TGM6: variants seen among roughly 807,000 people sequenced by gnomAD.
TGM6 encodes protein-glutamine gamma-glutamyltransferase 6.
TGM6 carries 74 observed loss-of-function variants against 77.5 expected under a neutral mutation model. That is an observed-to-expected ratio of 0.96 (90% CI 0.79 to 1.16). The LOEUF (loss-of-function observed/expected upper bound fraction) is 1.16. Among genes scored for constraint, TGM6 ranks in the 50% most tolerant of loss-of-function variants. The pLI, the probability that TGM6 is intolerant of heterozygous loss-of-function variation, is 0.00. For synonymous variants in TGM6, 383 were observed against 378.9 expected (o/e 1.01, Z -0.12); for missense variants, 968 against 940.2 (o/e 1.03, Z -0.39).
intron 9 of TGM6, among the ~76,000 whole-genome samples, chr20:2,405,512 A>G (rs966687103): frequency 1.3e-5 from 2 of 152,194 alleles, no homozygotes; most frequent in Non-Finnish European, 2.9e-5. Context: ...AGAGGACAGA[A>G]GAGAGCAGAT....
chr20:2,424,565 A>T (rs913131204), intron 10 of TGM6, among the ~76,000 whole-genome samples: 3 of 152,210 alleles, frequency 2.0e-5, no homozygotes, highest in African/African-American at 4.8e-5. Flanking sequence ...GTGTGATCTT[A>T]TATGGAGATC....
At chr20:2,425,893 A>G (rs2084884737) in intron 10 of TGM6, among the ~76,000 whole-genome samples, 1 of 152,208 alleles carries the variant, frequency 6.6e-6, no homozygotes, top group Non-Finnish European at 1.5e-5. Flanking sequence ...CTATTTAGAA[A>G]GGTACCATAA....
At chr20:2,422,040 G>A (rs1005026980) in intron 10 of TGM6, among the ~76,000 whole-genome samples, 5 of 152,158 alleles carry the variant, frequency 3.3e-5, no homozygotes, top group Admixed American at 2.6e-4. Context: ...GCTGAGGCAG[G>A]AGAATCGCTT....
At chr20:2,406,662 C>T (rs1356641383) in intron 9 of TGM6, among the ~76,000 whole-genome samples, 2 of 150,736 alleles carry the variant, frequency 1.3e-5, no homozygotes, top group East Asian at 3.9e-4. Context: ...ATGGCGAAAA[C>T]CCGTCTCTAC....
At chr20:2,392,794 T>C (rs1246700049) in intron 1 of TGM6, among the ~76,000 whole-genome samples, 1 of 152,132 alleles carries the variant, frequency 6.6e-6, no homozygotes, top group Middle Eastern at 3.2e-3. Flanking sequence ...ACCCAGCTAC[T>C]TGGGAGGCTG....
At chr20:2,417,110 A>G (rs1011730147) in intron 9 of TGM6, 122 bp from the exon 10 acceptor site, 6 of 851,928 alleles carry the variant, frequency 7.0e-6, no homozygotes, top group Middle Eastern at 2.3e-4. Context: ...AGAGAATCAA[A>G]CACAAGGCAT....
chr20:2,391,964 G>A (rs192140539), intron 1 of TGM6, among the ~76,000 whole-genome samples: 60 of 152,318 alleles, frequency 3.9e-4, no homozygotes, highest in African/African-American at 1.4e-3. Context: ...TAGAATTCAA[G>A]GCTGCACACA....
rs560050735 is a variant in TGM6 at position 2,396,359 on chromosome 20, C to T, written c.425-147C>T. On this transcript the variant is annotated intron_variant, in intron 3 of 12. Transcript: ENST00000202625. The stretch of plus-strand genomic sequence containing the variant: ...GGGATGGAGTTTGGCAGGGAGGCAG[C>T]ACGGGAGCTCGCAAGCCCCCTCTTG... 9.2e-5 allele frequency: 70 copies of T among 760,836 alleles called. No homozygotes were observed. In the African/African-American group the frequency reaches 1.1e-3, roughly 12 times the overall value. The allele number at this position is 760,836 out of a possible 1,614,324, so 47.1% of individuals were successfully genotyped here.
chr20:2,381,792 C>T (rs2084556568), intron 1 of TGM6, among the ~76,000 whole-genome samples: 1 of 152,182 alleles, frequency 6.6e-6, no homozygotes, highest in Non-Finnish European at 1.5e-5. Context: ...GTGGGGAACA[C>T]CCAAAGTCCC....
chr20:2,412,120 T>C (rs2084788078), intron 9 of TGM6, among the ~76,000 whole-genome samples: 1 of 152,174 alleles, frequency 6.6e-6, no homozygotes, highest in African/African-American at 2.4e-5. Flanking sequence ...CAAAATGTGG[T>C]ATATACATAC....
chr20:2,399,411 G>T (rs2084689721), intron 5 of TGM6, 150 bp from the exon 6 acceptor site: 1 of 962,980 alleles, frequency 1.0e-6, no homozygotes, highest in Non-Finnish European at 1.7e-6. Context: ...GTATTTTAAG[G>T]CAACAGATGC....
chr20:2,385,910 GCT>G (rs1156714153), intron 1 of TGM6, among the ~76,000 whole-genome samples: 6 of 152,226 alleles, frequency 3.9e-5, no homozygotes, highest in African/African-American at 1.4e-4. Flanking sequence ...CCTTCATGGA[GCT>G]CTCAGTCCAG....
At chr20:2,414,739 T>C (rs1042544127) in intron 9 of TGM6, among the ~76,000 whole-genome samples, 3 of 152,208 alleles carry the variant, frequency 2.0e-5, no homozygotes, top group African/African-American at 7.2e-5. Flanking sequence ...GCAGTACTGA[T>C]ACATGCTACC....
At chr20:2,382,802 G>A (rs1449167067) in intron 1 of TGM6, among the ~76,000 whole-genome samples, 1 of 152,076 alleles carries the variant, frequency 6.6e-6, no homozygotes, top group Admixed American at 6.5e-5. Flanking sequence ...ATCCATGGTG[G>A]ACATCCCTAG....
At chr20:2,382,055 A>G (rs1014422492) in intron 1 of TGM6, among the ~76,000 whole-genome samples, 1 of 152,246 alleles carries the variant, frequency 6.6e-6, no homozygotes, top group Non-Finnish European at 1.5e-5. Flanking sequence ...CTACACTCAC[A>G]GGTATTCAAG....
At chr20:2,425,616 C>A (rs35864458) in intron 10 of TGM6, among the ~76,000 whole-genome samples, 1 of 152,264 alleles carries the variant, frequency 6.6e-6, no homozygotes, top group South Asian at 2.1e-4. Context: ...AGTCCTCTAA[C>A]TTTGTTCCTC....
intron 1 of TGM6, among the ~76,000 whole-genome samples, chr20:2,383,166 C>G (rs1568650300): frequency 1.3e-5 from 2 of 152,158 alleles, no homozygotes; most frequent in Non-Finnish European, 2.9e-5. Flanking sequence ...GCTCATGATG[C>G]GTACTAAGCA....
intron 10 of TGM6, 86 bp downstream of exon 10, chr20:2,417,659 T>G (rs2084828149): frequency 2.9e-6 from 4 of 1,400,966 alleles, no homozygotes; most frequent in Non-Finnish European, 2.9e-6. Context: ...TTCCCAGGAC[T>G]GCATTCATCC....
intron 1 of TGM6, among the ~76,000 whole-genome samples, chr20:2,381,260 A>G (rs2084552830): frequency 6.6e-6 from 1 of 152,184 alleles, no homozygotes. Flanking sequence ...AGGCAGGCAC[A>G]GGAAGGCAGG....
Sources: allele counts gnomAD v4.1 joint callset (sites outside exome capture counted in the v4.1 genomes callset), GRCh38; gene constraint gnomAD v4.1.1; transcripts MANE v1.5; gene names NCBI Gene and HGNC (gene_info 2026-07-23, HGNC 2026-07-21).